Variants in PIP5K1A observed in about 807,000 individuals in gnomAD.
PIP5K1A encodes phosphatidylinositol 4-phosphate 5-kinase type-1 alpha.
In PIP5K1A, 46 loss-of-function variants were observed where a neutral mutation model predicts 72.9. The ratio of observed to expected loss-of-function variants is 0.63; its 90% CI spans 0.50 to 0.81. PIP5K1A has a LOEUF of 0.81. Ranked by LOEUF, PIP5K1A falls within the 30% of genes least tolerant of loss-of-function variation. PIP5K1A has a pLI of 0.00. For synonymous variants in PIP5K1A, 228 were observed against 255.1 expected (o/e 0.89, Z 1.01); for missense variants, 458 against 706.1 (o/e 0.65, Z 3.98).
rs587627549 is a variant in PIP5K1A at position 151,236,114 on chromosome 1, C to T, written c.940-444C>T. On this transcript the variant is annotated intron_variant, in intron 8 of 15. Transcript: ENST00000368888. ...CCAGCCTGGCGACAAAGCAAGACTC[C>T]GTCTCAAAAAAAAAAAAAAAAAAAT... Among the ~76,000 whole-genome samples, 202 of 143,188 alleles carry T rather than the reference C, an allele frequency of 1.4e-3. 3 individuals carry two copies. In the South Asian group the frequency reaches 0.019, roughly 13 times the overall value. The allele number at this position is 143,188 out of a possible 152,430, so 93.9% of individuals were successfully genotyped here.
rs781567276 is a variant in PIP5K1A, at chr1:151,234,377, C to G, written c.820C>G (p.Arg274Gly). 1.9e-6 allele frequency: 3 copies of G among 1,613,592 alleles called. No homozygotes were observed. The highest frequency in any genetic ancestry group is 1.3e-5 in the African/African-American group (1 of 75,018). ...TYKRRASQKE[R>G]EKPLPTFKDL... ...CAAACGGCGGGCTTCCCAGAAAGAG[C>G]GAGAGAAGCCTCTTCCCACATTTAA... is the stretch of plus-strand genomic sequence containing the variant. The change falls in exon 8 of 16, where the codon CGA (arginine) becomes GGA (glycine). Residue 274 changes from arginine (R) to glycine (G), a missense_variant. By Grantham distance (125) the Arg-to-Gly change is moderately radical. Coordinates refer to ENST00000368888, the MANE Select transcript of PIP5K1A (RefSeq NM_001135638.2).
At chr1:151,224,143 A>G in intron 1 of PIP5K1A, 102 bp from the exon 2 acceptor site, 2 of 1,029,520 alleles carry the variant, frequency 1.9e-6, no homozygotes, top group Non-Finnish European at 3.1e-6. Flanking sequence ...GCAGGAGTTT[A>G]TACTTATGTT....
rs1380989777 is a variant in PIP5K1A at position 151,234,410 on chromosome 1, G to A, written c.853G>A (p.Asp285Asn). The part of the protein sequence containing the change: ...EKPLPTFKDL[D>N]FLQDIPDGLF... ...GCCTCTTCCCACATTTAAAGACCTA[G>A]ACTTCTTACAAGACATCCCTGATGG... The change falls in exon 8 of 16, where the codon GAC becomes AAC. Residue 285 changes from aspartate to asparagine, a missense_variant. By Grantham distance (23) the Asp-to-Asn change is conservative. This residue lies in a region of PIP5K1A where 220 missense variants were observed against 442.6 expected (regional missense o/e 0.50). Transcript: ENST00000368888. 2 of 1,613,852 alleles carry A rather than the reference G, an allele frequency of 1.2e-6. No individual in the cohort carries two copies. Among genetic ancestry groups the A allele is most frequent in the African/African-American group, 2.7e-5 (2 of 74,930 alleles).
chr1:151,203,030 A>G (rs1222775808), intron 1 of PIP5K1A, among the ~76,000 whole-genome samples: 1 of 152,034 alleles, frequency 6.6e-6, no homozygotes, highest in Non-Finnish European at 1.5e-5. Flanking sequence ...CAGCCTTGCA[A>G]AGTGCTGAGG....
intron 12 of PIP5K1A, chr1:151,240,296 A>T (rs774194275): frequency 2.4e-6 from 1 of 418,794 alleles, no homozygotes; most frequent in East Asian, 5.3e-5. Context: ...ATTTGCAAAA[A>T]AATAAATAAA....
Position 151,234,196 on chromosome 1 carries a change from G to A in PIP5K1A, c.640-1G>A. The A allele has an allele frequency of 6.3e-7, 1 of 1,588,238 alleles. No individual in the cohort carries two copies. On this transcript the variant is annotated splice_acceptor_variant, in intron 7 of 15. Transcript: ENST00000368888. LOFTEE classifies it high-confidence loss of function. ...ACTTCTGTTTCCTTTTGTGTTCTCAGAACCTCAACCAGAACCCTCGGACTT... is the reference window on the plus strand; with the variant it reads ...ACTTCTGTTTCCTTTTGTGTTCTCAAAACCTCAACCAGAACCCTCGGACTT...
chr1:151,246,915 G>C lies in PIP5K1A; in HGVS notation c.1641-5G>C, dbSNP rs1404650771. 1 of 1,609,808 alleles carries C rather than the reference G, an allele frequency of 6.2e-7. No homozygotes were observed. The highest frequency in any genetic ancestry group is 1.3e-5 in the African/African-American group (1 of 74,648). On this transcript the variant is annotated splice_region_variant and splice_polypyrimidine_tract_variant and intron_variant, in intron 14 of 15. Transcript: ENST00000368888. ...TCTCTGCTTCCATTTTTTTTCTCCT[G>C]TTAGTACAACCTTGGAAAAGCTTGA...
intron 14 of PIP5K1A, among the ~76,000 whole-genome samples, chr1:151,244,370 G>T (rs1313123993): frequency 6.6e-6 from 1 of 152,120 alleles, no homozygotes; most frequent in African/African-American, 2.4e-5. Flanking sequence ...AGTATATGGA[G>T]GGCCAGGCGT....
At chr1:151,211,772 C>A (rs1686836946) in intron 1 of PIP5K1A, among the ~76,000 whole-genome samples, 1 of 150,330 alleles carries the variant, frequency 6.7e-6, no homozygotes, top group African/African-American at 2.5e-5. Context: ...TGCCACTGCA[C>A]TCCAGCCTGG....
At chr1:151,225,083 C>G (rs1688912460) in intron 3 of PIP5K1A, among the ~76,000 whole-genome samples, 1 of 152,206 alleles carries the variant, frequency 6.6e-6, no homozygotes, top group African/African-American at 2.4e-5. Context: ...GCTTGTAATC[C>G]TAACACTTTG....
chr1:151,214,724 G>C (rs866763224), intron 1 of PIP5K1A, among the ~76,000 whole-genome samples: 2 of 151,832 alleles, frequency 1.3e-5, no homozygotes, highest in South Asian at 4.2e-4. Flanking sequence ...AGGAGCGGAA[G>C]AGCCTCAAAC....
chr1:151,211,805 C>CTT (rs1236179105), intron 1 of PIP5K1A, among the ~76,000 whole-genome samples: 11 of 138,094 alleles, frequency 8.0e-5, no homozygotes, highest in African/African-American at 3.0e-4. Context: ...GAGTCTGTCT[C>CTT]AAAAAAGAAA....
At chr1:151,199,175 C>T (rs1022898673) in intron 1 of PIP5K1A, 94 bp downstream of exon 1, 25 of 1,591,906 alleles carry the variant, frequency 1.6e-5, no homozygotes, top group Non-Finnish European at 2.1e-5. Flanking sequence ...TGGGAATGTC[C>T]TACGTGTTAC....
At chr1:151,236,444 C>CT (rs1690873202) in intron 8 of PIP5K1A, 114 bp from the exon 9 acceptor site, 5 of 689,900 alleles carry the variant, frequency 7.2e-6, no homozygotes, top group Non-Finnish European at 1.2e-5. Flanking sequence ...CCACTGCACT[C>CT]TAGCCTGGGT....
intron 7 of PIP5K1A, among the ~76,000 whole-genome samples, 185 bp downstream of exon 7, chr1:151,232,888 C>G (rs996091176): frequency 1.1e-4 from 16 of 152,028 alleles, no homozygotes; most frequent in African/African-American, 3.9e-4. Flanking sequence ...ATCACAAGAT[C>G]AGGAGATCAA....
At chr1:151,213,732 A>C (rs1210402530) in intron 1 of PIP5K1A, among the ~76,000 whole-genome samples, 1 of 151,968 alleles carries the variant, frequency 6.6e-6, no homozygotes, top group Admixed American at 6.6e-5. Context: ...AGCTTGAGTT[A>C]ATGTGTGTGT....
intron 1 of PIP5K1A, among the ~76,000 whole-genome samples, chr1:151,205,332 C>T (rs587653015): frequency 5.9e-5 from 9 of 152,210 alleles, no homozygotes; most frequent in South Asian, 2.1e-4. Flanking sequence ...TGCGCCACCA[C>T]GCCCAGATAA....
At chr1:151,208,629 G>A (rs1686308246) in intron 1 of PIP5K1A, among the ~76,000 whole-genome samples, 1 of 150,422 alleles carries the variant, frequency 6.6e-6, no homozygotes, top group African/African-American at 2.4e-5. Flanking sequence ...AAAGTGCTGG[G>A]ATTACAAGTG....
chr1:151,224,395 T>TA lies in PIP5K1A; in HGVS notation c.146dup (p.Tyr49Ter). The change falls in exon 3 of 16, where the codon TAC becomes TAAC. Residue 49 changes from tyrosine to a stop codon, truncating the protein, a stop_gained and frameshift_variant. Transcript: ENST00000368888. LOFTEE classifies it high-confidence loss of function. Reference protein sequence around the residue: ...SEVLEARQDSYISLVPYASGM... With the variant: ...SEVLEARQDS ...GGTCTTGGAAGCTAGACAGGATTCTTACATCTCATTGGTAGGCTAGAAATT... is the reference window on the plus strand; with the variant it reads ...GGTCTTGGAAGCTAGACAGGATTCTTAACATCTCATTGGTAGGCTAGAAATT... 1 of 1,600,470 alleles carries TA rather than the reference T, an allele frequency of 6.2e-7. No homozygotes were observed. The highest frequency in any genetic ancestry group is 8.6e-7 in the Non-Finnish European group (1 of 1,167,968).
Sources: allele counts gnomAD v4.1 joint callset (sites outside exome capture counted in the v4.1 genomes callset), GRCh38; gene constraint gnomAD v4.1.1; regional missense constraint gnomAD v4.1.1; transcripts MANE v1.5; gene names NCBI Gene and HGNC (gene_info 2026-07-23, HGNC 2026-07-21).